The following CDH4 variants were observed in gnomAD, a reference collection of about 807,000 sequenced individuals.
CDH4 encodes cadherin-4.
CDH4 carries 33 observed loss-of-function variants against 86.0 expected under a neutral mutation model. The ratio of observed to expected loss-of-function variants is 0.38; its 90% confidence interval spans 0.29 to 0.51. CDH4 has a LOEUF of 0.51. Among genes scored for constraint, CDH4 ranks in the 20% least tolerant of loss-of-function variants. The probability of loss-of-function intolerance (pLI) is 0.86; values close to 1 mark genes in which losing one functional copy is unlikely to be tolerated. For synonymous variants in CDH4, 555 were observed against 549.4 expected, an observed-to-expected ratio of 1.01 and a Z score of -0.14; for missense variants, 1,114 against 1,307.4, an observed-to-expected ratio of 0.85 and a Z score of 2.28.
In CDH4 at chr20:61,799,739, T is replaced by C. The variant is rs139570007; in HGVS notation, c.576+26557T>C. On this transcript the variant is annotated intron_variant, in intron 4 of 15. Transcript: ENST00000614565. ...GGTCCTTCAAGCCCCTCCCAGGGTA[T>C]CCCCGCTCCTGGGTGGGCAGGGCGT... Among the ~76,000 whole-genome samples, 4 of 152,298 alleles carry C rather than the reference T, an allele frequency of 2.6e-5. No homozygotes were observed. In the East Asian group the frequency reaches 5.8e-4, roughly 22 times the overall value.
chr20:61,796,987 C>T (rs989206300), intron 4 of CDH4, among the ~76,000 whole-genome samples: 2 of 152,094 alleles, frequency 1.3e-5, no homozygotes, highest in Non-Finnish European at 2.9e-5. Flanking sequence ...CCAGCTGTGG[C>T]ATCAGCTCCC....
At chr20:61,925,834 CAG>C (rs1484255968) in intron 11 of CDH4, among the ~76,000 whole-genome samples, 1 of 152,164 alleles carries the variant, frequency 6.6e-6, no homozygotes, top group African/African-American at 2.4e-5. Flanking sequence ...TTCTGGCAAA[CAG>C]AAGGCCTTGC....
chr20:61,629,520 G>A (rs1017467836), intron 2 of CDH4, among the ~76,000 whole-genome samples: 7 of 152,368 alleles, frequency 4.6e-5, no homozygotes, highest in South Asian at 4.1e-4. Context: ...GCCCTGGCAC[G>A]TGTGGTTGGC....
intron 2 of CDH4, among the ~76,000 whole-genome samples, chr20:61,605,734 T>C (rs1239977934): frequency 6.6e-6 from 1 of 152,120 alleles, no homozygotes; most frequent in African/African-American, 2.4e-5. Context: ...CTCCTTTCCA[T>C]GAAACAGTAA....
At position 61,383,177 on chromosome 20, in the gene CDH4, TTATGAATATATATGAATATATTTATA is replaced by T. The variant is rs1244115901; in HGVS notation, c.169+128263_169+128288del. Among the ~76,000 whole-genome samples, 374 of 102,352 alleles carry T rather than the reference TTATGAATATATATGAATATATTTATA, an allele frequency of 3.7e-3. 73 individuals carry two copies. Among genetic ancestry groups the T allele is most frequent in the African/African-American group, 0.016 (349 of 22,222 alleles). 67.1% of individuals were successfully genotyped at this position (102,352 alleles called of 152,430 possible). A position where few individuals can be genotyped will look rare whatever the true frequency, so the allele number is the denominator to read the frequency against. On this transcript the variant is annotated intron_variant, in intron 2 of 15. Transcript: ENST00000614565. ...GAATATATTATATATATGAATATAT[TTATGAATATATATGAATATATTTATA>T]TATGAATATATATGAATATATTATA... is the stretch of plus-strand genomic sequence containing the variant.
At chr20:61,723,839 T>C (rs949883154) in intron 2 of CDH4, among the ~76,000 whole-genome samples, 14 of 152,206 alleles carry the variant, frequency 9.2e-5, no homozygotes, top group African/African-American at 3.1e-4. Context: ...GAAGTGAACA[T>C]GAGCCAGACG....
At chr20:61,543,459 G>A (rs1364056443) in intron 2 of CDH4, among the ~76,000 whole-genome samples, 12 of 152,200 alleles carry the variant, frequency 7.9e-5, no homozygotes, top group African/African-American at 2.7e-4. Context: ...TTGGTTGAGT[G>A]ATAAAAATGT....
chr20:61,914,609 G>A (rs1463107171), intron 9 of CDH4, among the ~76,000 whole-genome samples: 1 of 149,392 alleles, frequency 6.7e-6, no homozygotes, highest in African/African-American at 2.6e-5. Flanking sequence ...TCAGGCCTGG[G>A]AGGCTTGGAG....
intron 4 of CDH4, among the ~76,000 whole-genome samples, chr20:61,780,360 G>A (rs993736158): frequency 2.0e-5 from 3 of 152,170 alleles, no homozygotes; most frequent in Non-Finnish European, 4.4e-5. Context: ...ACCCATCAGA[G>A]GCCTTCCCAA....
At chr20:61,921,642 C>T (rs898494449) in intron 9 of CDH4, among the ~76,000 whole-genome samples, 1 of 151,748 alleles carries the variant, frequency 6.6e-6, no homozygotes, top group Non-Finnish European at 1.5e-5. Flanking sequence ...ATCCCAGCTA[C>T]TGGGGAGGCT....
chr20:61,365,929 T>G (rs1381396186), intron 2 of CDH4, among the ~76,000 whole-genome samples: 2 of 152,172 alleles, frequency 1.3e-5, no homozygotes, highest in African/African-American at 4.8e-5. Context: ...GAGAATGCCC[T>G]TTCTAAAGAG....
At chr20:61,431,924 C>T (rs760883555) in intron 2 of CDH4, among the ~76,000 whole-genome samples, 10 of 152,178 alleles carry the variant, frequency 6.6e-5, no homozygotes, top group East Asian at 3.9e-4. Context: ...CTTCTTGCAC[C>T]GATACATGGA....
intron 2 of CDH4, among the ~76,000 whole-genome samples, chr20:61,304,880 C>T (rs542889186): frequency 3.9e-4 from 59 of 150,326 alleles, no homozygotes; most frequent in Middle Eastern, 6.8e-3. Context: ...GTGTTCGGTG[C>T]GTGTGTTGTG....
chr20:61,731,969 CCTT>C (rs1234344136), intron 2 of CDH4, among the ~76,000 whole-genome samples: 1 of 152,084 alleles, frequency 6.6e-6, no homozygotes, highest in Admixed American at 6.5e-5. Context: ...AGGAGATTCT[CCTT>C]CATCAAGAAC....
rs1214643257 is a variant in CDH4, at chr20:61,283,436, TGTG to T, written c.169+28503_169+28505del. On this transcript the variant is annotated intron_variant, in intron 2 of 15. Transcript: ENST00000614565. ...TGTGTGTGCGTTTGCACGCGTGTGC[TGTG>T]GTGTGTGTGATGTGTGTGCGTTTGC... Among the ~76,000 whole-genome samples, 140 of 31,530 alleles carry T rather than the reference TGTG, an allele frequency of 4.4e-3. 4 individuals carry two copies. Among genetic ancestry groups the T allele is most frequent in the African/African-American group, 0.011 (131 of 12,104 alleles). 20.7% of individuals were successfully genotyped at this position (31,530 alleles called of 152,430 possible).
intron 2 of CDH4, among the ~76,000 whole-genome samples, chr20:61,631,947 G>A (rs1207491187): frequency 5.3e-5 from 8 of 152,242 alleles, no homozygotes; most frequent in African/African-American, 1.7e-4. Flanking sequence ...AGCCAGGTGT[G>A]GGTGGAGCCA....
intron 2 of CDH4, among the ~76,000 whole-genome samples, chr20:61,555,311 G>A (rs1448261943): frequency 2.6e-5 from 4 of 152,210 alleles, no homozygotes; most frequent in Non-Finnish European, 4.4e-5. Context: ...AGGATGCGGA[G>A]TGAAGCAGTA....
Position 61,873,715 on chromosome 20 carries a change from G to A in CDH4, c.878-13G>A. 2 of 1,610,284 alleles carry A rather than the reference G, an allele frequency of 1.2e-6. No homozygotes were observed. The highest frequency in any genetic ancestry group is 1.7e-6 in the Non-Finnish European group (2 of 1,178,918). On this transcript the variant is annotated splice_polypyrimidine_tract_variant and intron_variant, in intron 6 of 15. Coordinates refer to ENST00000614565, the MANE Select transcript of CDH4 (RefSeq NM_001794.5). ...GCAGGCCATCCCCATCTGAGCTGCT[G>A]TCTCCGTTCCAGGCACCTACGTGAT...
intron 2 of CDH4, among the ~76,000 whole-genome samples, chr20:61,669,669 A>G (rs2087365340): frequency 6.6e-6 from 1 of 152,210 alleles, no homozygotes; most frequent in African/African-American, 2.4e-5. Flanking sequence ...TCTACCACTG[A>G]GCCAGAGTGA....
Sources: gnomAD v4.1 joint callset for allele counts (sites outside exome capture counted in the v4.1 genomes callset) on GRCh38, gnomAD v4.1.1 for gene constraint, MANE v1.5 for transcripts, NCBI Gene and HGNC (gene_info 2026-07-23, HGNC 2026-07-21) for gene names.